Variants in PFKL observed in about 807,000 individuals in gnomAD.
The protein encoded by PFKL is ATP-dependent 6-phosphofructokinase, liver type.
PFKL carries 74 observed loss-of-function variants against 92.1 expected under a neutral mutation model. That is an observed-to-expected ratio of 0.80 (90% CI 0.67 to 0.97). The LOEUF is 0.97. Ranked by LOEUF, PFKL falls within the 50% of genes least tolerant of loss-of-function variation. PFKL has a pLI of 0.00. For synonymous variants in PFKL, 494 were observed against 456.4 expected, an observed-to-expected ratio of 1.08 and a Z score of -1.05; for missense variants, 1,028 against 1,116.6, an observed-to-expected ratio of 0.92 and a Z score of 1.13.
intron 1 of PFKL, among the ~76,000 whole-genome samples, chr21:44,303,195 GGC>G (rs2040823454): frequency 6.6e-6 from 1 of 151,060 alleles, no homozygotes; most frequent in Non-Finnish European, 1.5e-5. Flanking sequence ...ATCGAGCCAC[GGC>G]ACTCTAGCCT....
rs2040722076 is a variant in PFKL at position 44,300,086 on chromosome 21, C to T, written c.-20C>T. On this transcript the variant is annotated 5_prime_UTR_variant, in exon 1 of 22. Transcript: ENST00000349048. The stretch of plus-strand genomic sequence containing the variant: ...GCAGGCGGCGGGAGTGCGAGCTGGG[C>T]CCGTGTTTCGGCCGCCGCCATGGCC... 4.5e-6 allele frequency: 5 copies of T among 1,112,498 alleles called. No homozygotes were observed. The African/African-American group carries it at 5.1e-5, about 11-fold the overall frequency. 68.9% of individuals were successfully genotyped at this position (1,112,498 alleles called of 1,614,324 possible).
rs2047495525 is a variant in PFKL, at chr21:44,325,972, A to G, written c.2001A>G (p.Pro667=). Residue 667 remains proline (P), a synonymous_variant, in exon 20 of 22, where the codon CCA becomes CCG. Coordinates refer to ENST00000349048, the MANE Select transcript of PFKL (RefSeq NM_002626.6). ...TCACCTGTTTCCAGGGTGGCGCTCC[A>G]ACCCCCTTTGACCGGAACTATGGGA... ...VLGHLQQGGA[P]TPFDRNYGTK... is the part of the protein sequence containing the mutation. 1 of 1,613,326 alleles carries G rather than the reference A, an allele frequency of 6.2e-7. No individual in the cohort carries two copies. The highest frequency in any genetic ancestry group is 1.7e-5 in the Admixed American group (1 of 59,950).
intron 7 of PFKL, chr21:44,314,442 T>G: frequency 5.4e-6 from 1 of 184,990 alleles, no homozygotes; most frequent in Non-Finnish European, 1.1e-5. Flanking sequence ...GAGCAGGGCC[T>G]TCCCCTGAGG....
intron 10 of PFKL, among the ~76,000 whole-genome samples, chr21:44,318,899 G>A (rs1260136284): frequency 6.6e-6 from 1 of 152,184 alleles, no homozygotes; most frequent in Non-Finnish European, 1.5e-5. Context: ...TTGGGGTTAC[G>A]ATGGGACGGA....
intron 19 of PFKL, chr21:44,325,605 G>C: frequency 2.1e-6 from 1 of 487,466 alleles, no homozygotes; most frequent in Non-Finnish European, 3.7e-6. Flanking sequence ...CAGGAAGCCC[G>C]CGTCCTGGGG....
At chr21:44,302,116 G>A (rs2040792771) in intron 1 of PFKL, among the ~76,000 whole-genome samples, 1 of 152,226 alleles carries the variant, frequency 6.6e-6, no homozygotes, top group Admixed American at 6.5e-5. Flanking sequence ...CCTGGCCCCA[G>A]TGCCTGATAT....
At chr21:44,325,115 C>T in intron 18 of PFKL, 38 bp from the exon 19 acceptor site, 1 of 1,442,992 alleles carries the variant, frequency 6.9e-7, no homozygotes, top group Middle Eastern at 1.7e-4. Context: ...GAGACCTGAA[C>T]TCGTTCCCGC....
chr21:44,304,526 C>T (rs779582471), intron 1 of PFKL: 4 of 1,141,060 alleles, frequency 3.5e-6, no homozygotes, highest in African/African-American at 1.7e-5. Context: ...TAGCTTCGGC[C>T]AGCTGTGGCT....
At chr21:44,304,492 G>A in intron 1 of PFKL, 1 of 1,156,612 alleles carries the variant, frequency 8.6e-7, no homozygotes. Flanking sequence ...GGTCTGCAGG[G>A]AGGGCGAGGG....
intron 1 of PFKL, 62 bp from the exon 2 acceptor site, chr21:44,306,619 G>GGT: frequency 6.9e-7 from 1 of 1,459,632 alleles, no homozygotes; most frequent in South Asian, 1.2e-5. Flanking sequence ...TCTGAGATGG[G>GGT]GAGGGTGTCC....
At position 44,319,376 on chromosome 21, in the gene PFKL, A is replaced by G. The variant is rs560582171; in HGVS notation, c.1088A>G (p.Asp363Gly). 40 of 1,613,782 alleles carry G rather than the reference A, an allele frequency of 2.5e-5. No homozygotes were observed. The East Asian group carries it at 8.7e-4, about 35-fold the overall frequency. The stretch of plus-strand genomic sequence containing the variant: ...ACCAAGGAAGTGCAGAAAGCCATGG[A>G]TGACAAGAGGTTTGACGAGGCCACC... ...QMTKEVQKAMDDKRFDEATQL... is the reference protein window; with the variant it reads ...QMTKEVQKAMGDKRFDEATQL... The change falls in exon 11 of 22, where the codon GAT (aspartate) becomes GGT (glycine). Residue 363 changes from aspartate to glycine, a missense_variant. By Grantham distance (94) the Asp-to-Gly change is moderately conservative. Transcript: ENST00000349048.
intron 11 of PFKL, chr21:44,319,758 G>C: frequency 1.9e-6 from 1 of 518,440 alleles, no homozygotes; most frequent in Non-Finnish European, 3.5e-6. Context: ...CCCTGCAGGC[G>C]TCCTGGCGGC....
chr21:44,310,818 G>C (rs2047020046), intron 2 of PFKL, among the ~76,000 whole-genome samples, 188 bp from the exon 3 acceptor site: 1 of 152,058 alleles, frequency 6.6e-6, no homozygotes, highest in Non-Finnish European at 1.5e-5. Flanking sequence ...CAGCTGTGCA[G>C]AGGGTGTCTG....
intron 1 of PFKL, chr21:44,305,407 GC>G: frequency 7.4e-7 from 1 of 1,358,324 alleles, no homozygotes. Context: ...TTGAGCAGGA[GC>G]CCCCAGCAGG....
chr21:44,308,841 C>T (rs1389207352), intron 2 of PFKL, among the ~76,000 whole-genome samples: 2 of 152,106 alleles, frequency 1.3e-5, no homozygotes, highest in African/African-American at 2.4e-5. Context: ...GGATTACAGG[C>T]GCGAGCCACT....
At chr21:44,326,411 G>A (rs2047511299) in intron 21 of PFKL, 147 bp downstream of exon 21, 3 of 685,358 alleles carry the variant, frequency 4.4e-6, no homozygotes, top group East Asian at 5.4e-5. Context: ...CCGCCAGGCC[G>A]TGGAGAGCAG....
chr21:44,319,840 C>T (rs2047312992), intron 11 of PFKL: 2 of 521,536 alleles, frequency 3.8e-6, no homozygotes, highest in Non-Finnish European at 6.9e-6. Flanking sequence ...CCAACCCTCC[C>T]TTGAGCTGGA....
chr21:44,326,350 C>T, intron 21 of PFKL, 86 bp downstream of exon 21: 1 of 991,454 alleles, frequency 1.0e-6, no homozygotes, highest in Admixed American at 2.2e-5. Flanking sequence ...AGGCCCAGCC[C>T]CACTGGCACC....
In PFKL at chr21:44,323,914, T is replaced by C; in HGVS notation, c.1646T>C (p.Met549Thr). The C allele has an allele frequency of 6.2e-7, 1 of 1,613,296 alleles. No individual in the cohort carries two copies. Residue 549 changes from methionine to threonine, a missense_variant, in exon 16 of 22, where the codon ATG becomes ACG. Transcript: ENST00000349048. ...TCCGACACTGCTGTAAATGCCGCCATGGAGGTACGGGGCTCCTGGACACCG... is the reference window on the plus strand; with the variant it reads ...TCCGACACTGCTGTAAATGCCGCCACGGAGGTACGGGGCTCCTGGACACCG... ...LGSDTAVNAAMESCDRIKQSA... is the reference protein window; with the variant it reads ...LGSDTAVNAATESCDRIKQSA...
Sources: allele counts gnomAD v4.1 joint callset (sites outside exome capture counted in the v4.1 genomes callset), GRCh38; gene constraint gnomAD v4.1.1; transcripts MANE v1.5; gene names NCBI Gene and HGNC (gene_info 2026-07-23, HGNC 2026-07-21).